Variants in TCAIM observed in about 807,000 individuals in gnomAD.
TCAIM encodes T cell activation inhibitor, mitochondrial, also known as T-cell activation inhibitor, mitochondrial.
TCAIM carries 36 observed loss-of-function variants against 58.6 expected under a neutral mutation model. The observed-to-expected ratio is 0.61, with a 90% confidence interval of 0.47 to 0.81. TCAIM has a LOEUF of 0.81. TCAIM is among the 30% of genes least tolerant of loss of function. TCAIM has a pLI of 0.00. For missense variants in TCAIM, 466 were observed against 579.6 expected (o/e 0.80, Z 2.01); for synonymous variants, 172 against 193.6 (o/e 0.89, Z 0.93).
intron 4 of TCAIM, among the ~76,000 whole-genome samples, chr3:44,364,169 C>T (rs780659655): frequency 2.3e-4 from 34 of 151,004 alleles, no homozygotes; most frequent in Admixed American, 7.3e-4. Flanking sequence ...CCCCGTGATC[C>T]GCCCACCTCA....
At chr3:44,349,747 G>T (rs1009416148) in intron 1 of TCAIM, among the ~76,000 whole-genome samples, 1 of 152,162 alleles carries the variant, frequency 6.6e-6, no homozygotes, top group Non-Finnish European at 1.5e-5. Context: ...CGTCTCCTCT[G>T]TCTCTACCAG....
intron 1 of TCAIM, among the ~76,000 whole-genome samples, chr3:44,344,477 A>G (rs1700923629): frequency 6.6e-6 from 1 of 152,186 alleles, no homozygotes; most frequent in African/African-American, 2.4e-5. Context: ...GCGGTTCTGG[A>G]GTCTGGGAAA....
intron 6 of TCAIM, among the ~76,000 whole-genome samples, chr3:44,394,438 G>A (rs1701889296): frequency 6.6e-6 from 1 of 151,902 alleles, no homozygotes; most frequent in South Asian, 2.1e-4. Flanking sequence ...ATAAATTAAG[G>A]TGCATGCAAA....
chr3:44,396,209 A>C (rs1287109093), intron 6 of TCAIM, among the ~76,000 whole-genome samples, 191 bp from the exon 7 acceptor site: 1 of 152,250 alleles, frequency 6.6e-6, no homozygotes, highest in African/African-American at 2.4e-5. Flanking sequence ...TCTGGTAAAC[A>C]ATTCATTTTC....
intron 5 of TCAIM, among the ~76,000 whole-genome samples, chr3:44,383,170 A>T (rs1372632083): frequency 6.6e-6 from 1 of 152,198 alleles, no homozygotes; most frequent in Non-Finnish European, 1.5e-5. Context: ...GCTATGGAAG[A>T]TGATATGGTG....
At chr3:44,371,689 T>C (rs546416511) in intron 5 of TCAIM, among the ~76,000 whole-genome samples, 41 of 152,314 alleles carry the variant, frequency 2.7e-4, no homozygotes, top group African/African-American at 9.9e-4. Context: ...CATGTTCACA[T>C]AGGCCCAGAG....
intron 3 of TCAIM, among the ~76,000 whole-genome samples, chr3:44,360,980 G>A (rs1701286585): frequency 6.6e-6 from 1 of 152,080 alleles, no homozygotes; most frequent in African/African-American, 2.4e-5. Context: ...TCTTACACTG[G>A]CAATAATTAT....
chr3:44,393,703 A>T, intron 6 of TCAIM, among the ~76,000 whole-genome samples: 1 of 151,802 alleles, frequency 6.6e-6, no homozygotes, highest in Non-Finnish European at 1.5e-5. Context: ...CAGGAGGATC[A>T]CTTGAGGCCA....
rs752919351 is a variant in TCAIM at position 44,401,203 on chromosome 3, T to G, written c.1119T>G (p.Ser373Arg). Residue 373 changes from serine (S) to arginine (R), a missense_variant and splice_region_variant, in exon 10 of 11, where the codon AGT becomes AGG. Transcript: ENST00000342649. ...SLRGLQMILN[S>R]DRYAPSLHEL... Reference sequence around the variant, plus strand: ...TCCTTTAATGTATATTTTATTGCAGTGACAGATATGCTCCAAGCTTGCATG... The same window carrying G: ...TCCTTTAATGTATATTTTATTGCAGGGACAGATATGCTCCAAGCTTGCATG... 2 of 1,613,910 alleles carry G rather than the reference T, an allele frequency of 1.2e-6. No individual in the cohort carries two copies. The highest frequency in any genetic ancestry group is 2.2e-5 in the South Asian group (2 of 91,058).
chr3:44,370,606 C>G (rs868344535), intron 5 of TCAIM, among the ~76,000 whole-genome samples: 14 of 150,402 alleles, frequency 9.3e-5, no homozygotes, highest in Non-Finnish European at 1.5e-4. Flanking sequence ...TAGAGCCTTT[C>G]TTTTTTTAGC....
rs1701225066 is a variant in TCAIM at position 44,357,813 on chromosome 3, T to C, written c.102T>C (p.Asn34=). The stretch of plus-strand genomic sequence containing the variant: ...CTTTATCGGGAGCTGAAGCAGTCAA[T>C]GCCTTGAGGCCTTTCTATTTTGCAG... The part of the protein sequence containing the change: ...SRALSGAEAV[N]ALRPFYFAVH... The change falls in exon 3 of 11, where the codon AAT becomes AAC. Residue 34 remains asparagine (N), a synonymous_variant. Transcript: ENST00000342649. 6.2e-7 allele frequency: 1 copy of C among 1,614,200 alleles called. No homozygotes were observed. The highest frequency in any genetic ancestry group is 1.1e-5 in the South Asian group (1 of 91,090).
intron 5 of TCAIM, among the ~76,000 whole-genome samples, chr3:44,392,041 C>T (rs952129612): frequency 3.9e-5 from 6 of 152,006 alleles, no homozygotes; most frequent in Admixed American, 6.6e-5. Context: ...TATAGCTTAC[C>T]GAAGGTTGTA....
chr3:44,374,250 T>C (rs1701527784), intron 5 of TCAIM, among the ~76,000 whole-genome samples: 1 of 151,984 alleles, frequency 6.6e-6, no homozygotes, highest in African/African-American at 2.4e-5. Context: ...CACAATTTAG[T>C]GACTCAGGAC....
intron 5 of TCAIM, among the ~76,000 whole-genome samples, chr3:44,386,564 C>A (rs1701746131): frequency 6.6e-6 from 1 of 152,222 alleles, no homozygotes; most frequent in African/African-American, 2.4e-5. Flanking sequence ...CTGGGAACCC[C>A]CACCCCTGTC....
At chr3:44,358,108 C>A in intron 3 of TCAIM, 1 of 1,435,720 alleles carries the variant, frequency 7.0e-7, no homozygotes, top group Non-Finnish European at 9.1e-7. Context: ...CTTTAGAGTA[C>A]TAGTAATCAT....
chr3:44,364,933 C>A (rs1037213499), intron 4 of TCAIM, among the ~76,000 whole-genome samples: 1 of 152,098 alleles, frequency 6.6e-6, no homozygotes, highest in Non-Finnish European at 1.5e-5. Flanking sequence ...GCTTGGAATT[C>A]TCTCCCCAAA....
intron 8 of TCAIM, among the ~76,000 whole-genome samples, chr3:44,397,701 A>G (rs1287392842): frequency 6.6e-6 from 1 of 152,216 alleles, no homozygotes; most frequent in African/African-American, 2.4e-5. Context: ...AAAAACTGCC[A>G]ACACTTAACT....
chr3:44,340,747 C>G (rs1700839081), intron 1 of TCAIM: 1 of 152,148 alleles, frequency 6.6e-6, no homozygotes, highest in Non-Finnish European at 1.5e-5. Context: ...TTCCTCCATC[C>G]CACCCAGATT....
At chr3:44,394,354 C>G (rs1701888017) in intron 6 of TCAIM, among the ~76,000 whole-genome samples, 1 of 152,082 alleles carries the variant, frequency 6.6e-6, no homozygotes, top group African/African-American at 2.4e-5. Flanking sequence ...ATAGGGGTTT[C>G]TTCCCATTCC....
Sources: gnomAD v4.1 joint callset for allele counts (sites outside exome capture counted in the v4.1 genomes callset) on GRCh38, gnomAD v4.1.1 for gene constraint, MANE v1.5 for transcripts, NCBI Gene and HGNC (gene_info 2026-07-23, HGNC 2026-07-21) for gene names.